Variants in ZNRF3 observed in about 807,000 individuals in gnomAD.
ZNRF3 encodes zinc and ring finger 3.
ZNRF3 carries 23 observed loss-of-function variants against 72.5 expected under a neutral mutation model. The ratio of observed to expected loss-of-function variants is 0.32; its 90% CI spans 0.23 to 0.45. The LOEUF is 0.45. Ranked by LOEUF, ZNRF3 falls within the 20% of genes least tolerant of loss-of-function variation. The pLI, the probability that ZNRF3 is intolerant of heterozygous loss-of-function variation, is 1.00. For missense variants in ZNRF3, 1,169 were observed against 1,272.1 expected, an observed-to-expected ratio of 0.92 and a Z score of 1.23; for synonymous variants, 610 against 545.3, an observed-to-expected ratio of 1.12 and a Z score of -1.65.
intron 1 of ZNRF3, among the ~76,000 whole-genome samples, chr22:28,963,773 C>T (rs2035408670): frequency 6.6e-6 from 1 of 152,120 alleles, no homozygotes; most frequent in African/African-American, 2.4e-5. Flanking sequence ...ATTACATCTG[C>T]TTATAAAAGT....
Position 29,050,721 on chromosome 22 carries a change from A to T in ZNRF3, c.2540A>T (p.Gln847Leu), listed in dbSNP as rs771116760. The change falls in exon 8 of 9, where the codon CAA becomes CTA. Residue 847 changes from glutamine (Q) to leucine (L), a missense_variant. By Grantham distance (113) the Gln-to-Leu change is moderately radical (BLOSUM62 -2). Around this residue, in one of 2 missense-constraint regions of ZNRF3, gnomAD observed 783 missense variants for 731.4 expected, o/e 1.07. Transcript: ENST00000544604. ...GATCTGGGCCTGCCCTCGGACTGCC[A>T]AGGGACCCACAGCCTCGGCTCCTGG... ...DCDLGLPSDC[Q>L]GTHSLGSWGG... 5.6e-6 allele frequency: 9 copies of T among 1,611,422 alleles called. No homozygotes were observed. In the South Asian group the frequency reaches 7.7e-5, roughly 14 times the overall value.
At chr22:29,041,643 CTG>C (rs2036964076) in intron 2 of ZNRF3, among the ~76,000 whole-genome samples, 1 of 152,214 alleles carries the variant, frequency 6.6e-6, no homozygotes, top group Non-Finnish European at 1.5e-5. Flanking sequence ...CAATCAGTCT[CTG>C]TGGTTTGAGC....
At chr22:28,988,067 A>G (rs1378039768) in intron 2 of ZNRF3, among the ~76,000 whole-genome samples, 1 of 152,212 alleles carries the variant, frequency 6.6e-6, no homozygotes, top group African/African-American at 2.4e-5. Flanking sequence ...CTCATCAACA[A>G]TCTTAAAATA....
intron 1 of ZNRF3, among the ~76,000 whole-genome samples, chr22:28,937,174 A>ATATATATATATATATAT (rs1555970638): frequency 2.5e-5 from 2 of 78,768 alleles, no homozygotes; most frequent in African/African-American, 1.3e-4. Flanking sequence ...TCTCTCTTAT[A>ATATATATATATATATAT]ATATATATAT....
chr22:28,908,737 C>G (rs945570350), intron 1 of ZNRF3, among the ~76,000 whole-genome samples: 1 of 152,092 alleles, frequency 6.6e-6, no homozygotes, highest in African/African-American at 2.4e-5. Context: ...AAAAAGAAGG[C>G]CTGCATTAAT....
chr22:29,045,791 A>G (rs1302330382), intron 5 of ZNRF3, among the ~76,000 whole-genome samples: 1 of 152,214 alleles, frequency 6.6e-6, no homozygotes, highest in Non-Finnish European at 1.5e-5. Context: ...GGAAGTGTTT[A>G]AGTCAACGTT....
intron 2 of ZNRF3, 149 bp from the exon 3 acceptor site, chr22:29,042,346 A>T: frequency 1.7e-6 from 1 of 605,962 alleles, no homozygotes; most frequent in Non-Finnish European, 2.9e-6. Flanking sequence ...GGGAAAATTG[A>T]GGATTAGGAA....
intron 1 of ZNRF3, among the ~76,000 whole-genome samples, chr22:28,977,731 C>T (rs2035700492): frequency 6.6e-6 from 1 of 152,202 alleles, no homozygotes; most frequent in Non-Finnish European, 1.5e-5. Flanking sequence ...CACTTAGAAG[C>T]AGGCGGCTCT....
chr22:28,891,306 G>T (rs1485006885), intron 1 of ZNRF3, among the ~76,000 whole-genome samples: 1 of 152,218 alleles, frequency 6.6e-6, no homozygotes, highest in Non-Finnish European at 1.5e-5. Flanking sequence ...GCCTGGCTGA[G>T]TGTGACAGGG....
At position 28,922,878 on chromosome 22, in the gene ZNRF3, G is replaced by A. The variant is rs572132903; in HGVS notation, c.300+38812G>A. On this transcript the variant is annotated intron_variant, in intron 1 of 8. Coordinates refer to ENST00000544604, the MANE Select transcript of ZNRF3 (RefSeq NM_001206998.2). Reference sequence around the variant, plus strand: ...TTCTTTTCTTACTCCTGAGTTAAACGTGTAGCAGAAGAGGTGTAAAGACAC... The same window carrying A: ...TTCTTTTCTTACTCCTGAGTTAAACATGTAGCAGAAGAGGTGTAAAGACAC... Among the ~76,000 whole-genome samples, 6 of 152,188 alleles carry A rather than the reference G, an allele frequency of 3.9e-5. 1 individual carries two copies. The East Asian group carries it at 5.8e-4, about 15-fold the overall frequency.
intron 1 of ZNRF3, chr22:28,986,784 G>A: frequency 1.8e-6 from 1 of 543,310 alleles, no homozygotes; most frequent in Non-Finnish European, 2.3e-6. Flanking sequence ...TGGGAATTGT[G>A]CTGTTTTCTT....
At chr22:29,033,581 C>G (rs1183132897) in intron 2 of ZNRF3, among the ~76,000 whole-genome samples, 1 of 152,050 alleles carries the variant, frequency 6.6e-6, no homozygotes, top group Non-Finnish European at 1.5e-5. Flanking sequence ...CTGAGGAGCC[C>G]CCAGAAGAGA....
At chr22:28,917,413 G>T (rs2034428184) in intron 1 of ZNRF3, 2 of 985,354 alleles carry the variant, frequency 2.0e-6, no homozygotes, top group South Asian at 9.4e-5. Flanking sequence ...TGCATCACTG[G>T]TGAGCTGGGG....
chr22:28,914,477 T>C lies in ZNRF3; in HGVS notation c.300+30411T>C, dbSNP rs952053055. On this transcript the variant is annotated intron_variant, in intron 1 of 8. Coordinates refer to ENST00000544604, the MANE Select transcript of ZNRF3 (RefSeq NM_001206998.2). Reference sequence around the variant, plus strand: ...TTCTCCAAATATGTGTCATATTTCATAGACTGTTGACATAGAGCTTTTTTT... The same window carrying C: ...TTCTCCAAATATGTGTCATATTTCACAGACTGTTGACATAGAGCTTTTTTT... 5.4e-5 allele frequency among the ~76,000 whole-genome samples: 8 copies of C among 148,438 alleles called. No homozygotes were observed. The East Asian group carries it at 9.9e-4, about 18-fold the overall frequency.
At chr22:28,951,513 G>A (rs1196357117) in intron 1 of ZNRF3, among the ~76,000 whole-genome samples, 1 of 152,140 alleles carries the variant, frequency 6.6e-6, no homozygotes, top group African/African-American at 2.4e-5. Flanking sequence ...GGAGAGGTGT[G>A]GAACAGATTC....
chr22:29,016,368 T>G (rs1301726108), intron 2 of ZNRF3, among the ~76,000 whole-genome samples: 1 of 152,192 alleles, frequency 6.6e-6, no homozygotes, highest in Non-Finnish European at 1.5e-5. Flanking sequence ...AAGGCTTTGC[T>G]GGGGCAGGGG....
At chr22:29,046,631 C>A in intron 5 of ZNRF3, 85 bp from the exon 6 acceptor site, 1 of 1,362,778 alleles carries the variant, frequency 7.3e-7, no homozygotes, top group Non-Finnish European at 9.7e-7. Flanking sequence ...TCTGCCTGTC[C>A]CAGTGAATCG....
chr22:28,885,961 TA>T (rs1383616033), intron 1 of ZNRF3, among the ~76,000 whole-genome samples: 24 of 152,080 alleles, frequency 1.6e-4, no homozygotes, highest in Non-Finnish European at 3.5e-4. Context: ...AGTTGCTAAG[TA>T]AAGTGACTTA....
intron 1 of ZNRF3, among the ~76,000 whole-genome samples, chr22:28,940,641 G>A (rs1025923005): frequency 2.6e-5 from 4 of 152,112 alleles, no homozygotes; most frequent in African/African-American, 4.8e-5. Flanking sequence ...AGGCTGCAGC[G>A]CCTGACCTGG....
Sources: gnomAD v4.1 joint callset for allele counts (sites outside exome capture counted in the v4.1 genomes callset) on GRCh38, gnomAD v4.1.1 for gene constraint, gnomAD v4.1.1 regional missense constraint, MANE v1.5 for transcripts, NCBI Gene and HGNC (gene_info 2026-07-23, HGNC 2026-07-21) for gene names.